SPON1: variants seen among roughly 807,000 people sequenced by gnomAD.
SPON1 encodes spondin 1, also known as spondin-1.
A neutral mutation model predicts 111.7 loss-of-function variants in SPON1; 52 were observed. The observed-to-expected ratio is 0.47, with a 90% CI of 0.37 to 0.59. The LOEUF (loss-of-function observed/expected upper bound fraction) is 0.59. SPON1 is among the 20% of genes least tolerant of loss of function. The probability of loss-of-function intolerance (pLI) is 0.00; values close to 1 mark genes in which losing one functional copy is unlikely to be tolerated. For missense variants in SPON1, 957 were observed against 1,068.5 expected (o/e 0.90, Z 1.46); for synonymous variants, 410 against 395.8 (o/e 1.04, Z -0.43).
intron 2 of SPON1, among the ~76,000 whole-genome samples, chr11:14,008,089 T>C: frequency 6.6e-6 from 1 of 152,224 alleles, no homozygotes; most frequent in East Asian, 1.9e-4. Flanking sequence ...CTGCAGGTTC[T>C]GCATCCACTG....
chr11:14,054,626 AC>A (rs1366598384), intron 3 of SPON1, among the ~76,000 whole-genome samples: 1 of 152,104 alleles, frequency 6.6e-6, no homozygotes, highest in Non-Finnish European at 1.5e-5. Context: ...CAGACTCTGA[AC>A]AACAGTCCCA....
Position 14,195,822 on chromosome 11 carries a change from G to A in SPON1, c.826-47510G>A, listed in dbSNP as rs116105291. ...CAGACATTTATTTCACAGTTTCATA[G>A]CAACATTGTCATGATTAGCTATGTA... On this transcript the variant is annotated intron_variant, in intron 6 of 15. Transcript: ENST00000576479. 1.6e-3 allele frequency among the ~76,000 whole-genome samples: 243 copies of A among 152,230 alleles called. 1 individual carries two copies. The highest frequency in any genetic ancestry group is 5.7e-3 in the African/African-American group (235 of 41,524).
At chr11:14,080,621 C>T (rs1383927756) in intron 5 of SPON1, among the ~76,000 whole-genome samples, 2 of 152,174 alleles carry the variant, frequency 1.3e-5, no homozygotes, top group Non-Finnish European at 2.9e-5. Flanking sequence ...CCTCAATCCC[C>T]CTGCAATGAC....
intron 2 of SPON1, among the ~76,000 whole-genome samples, chr11:13,999,564 C>T (rs1310544559): frequency 1.3e-5 from 2 of 152,138 alleles, no homozygotes; most frequent in Admixed American, 1.3e-4. Flanking sequence ...CGCCATCACA[C>T]CTGGCTAACT....
At chr11:14,060,945 G>C (rs1307948132) in intron 3 of SPON1, among the ~76,000 whole-genome samples, 1 of 93,156 alleles carries the variant, frequency 1.1e-5, no homozygotes, top group Non-Finnish European at 2.7e-5. Context: ...CTCTAGTTTG[G>C]TAAAAAAAAA....
intron 2 of SPON1, among the ~76,000 whole-genome samples, chr11:13,988,976 C>T (rs1214237783): frequency 2.0e-5 from 3 of 151,978 alleles, no homozygotes; most frequent in African/African-American, 7.2e-5. Flanking sequence ...ATTTTCATAT[C>T]GATGTTCATC....
intron 6 of SPON1, among the ~76,000 whole-genome samples, chr11:14,223,175 C>T (rs1293385270): frequency 6.6e-6 from 1 of 152,010 alleles, no homozygotes; most frequent in African/African-American, 2.4e-5. Context: ...GACCAGCCTG[C>T]CCAACATGGT....
Position 14,113,568 on chromosome 11 carries a change from A to AT in SPON1, c.677-21800dup, listed in dbSNP as rs782780924. Among the ~76,000 whole-genome samples the AT allele has an allele frequency of 1.2e-3, 92 of 74,724 alleles. 4 individuals are homozygous for AT. Among genetic ancestry groups the AT allele is most frequent in the Non-Finnish European group, 1.7e-3 (66 of 37,746 alleles). The allele number at this position is 74,724 out of a possible 152,430, so 49.0% of individuals were successfully genotyped here. Reference sequence around the variant, plus strand: ...AAGTCACCTCCTATGTACTTTTTAAATTTTTTTTTTTTTTTTTTTTTTTTT... The same window carrying AT: ...AAGTCACCTCCTATGTACTTTTTAAATTTTTTTTTTTTTTTTTTTTTTTTTT... On this transcript the variant is annotated intron_variant, in intron 5 of 15. Coordinates refer to ENST00000576479, the MANE Select transcript of SPON1 (RefSeq NM_006108.4).
chr11:14,178,371 G>A (rs909643274), intron 6 of SPON1, among the ~76,000 whole-genome samples: 13 of 150,206 alleles, frequency 8.7e-5, no homozygotes, highest in Non-Finnish European at 1.5e-4. Flanking sequence ...GCAGTGAGCC[G>A]AGATTGCACC....
chr11:14,035,396 G>A (rs554311678), intron 2 of SPON1, among the ~76,000 whole-genome samples: 1 of 152,216 alleles, frequency 6.6e-6, no homozygotes, highest in East Asian at 1.9e-4. Context: ...GTGTTTGAGG[G>A]AATGGAAATA....
intron 3 of SPON1, among the ~76,000 whole-genome samples, chr11:14,056,375 C>T (rs1419249858): frequency 6.6e-6 from 1 of 152,134 alleles, no homozygotes; most frequent in Non-Finnish European, 1.5e-5. Flanking sequence ...AAGTGGTCTA[C>T]CCAAGAAGTG....
At chr11:14,030,925 A>G (rs1347605454) in intron 2 of SPON1, among the ~76,000 whole-genome samples, 1 of 152,262 alleles carries the variant, frequency 6.6e-6, no homozygotes, top group African/African-American at 2.4e-5. Context: ...TTACAGTACT[A>G]TTCACAATAG....
chr11:14,140,498 G>T (rs543205125), intron 6 of SPON1, among the ~76,000 whole-genome samples: 14 of 152,106 alleles, frequency 9.2e-5, no homozygotes, highest in African/African-American at 3.4e-4. Flanking sequence ...GGGTTCAAGC[G>T]ATTCTCCTGC....
At position 14,017,649 on chromosome 11, in the gene SPON1, T is replaced by A. The variant is rs1848452851; in HGVS notation, c.346-23872T>A. Among the ~76,000 whole-genome samples, 5 of 152,216 alleles carry A rather than the reference T, an allele frequency of 3.3e-5. No homozygotes were observed. The South Asian group carries it at 1.0e-3, about 32-fold the overall frequency. On this transcript the variant is annotated intron_variant, in intron 2 of 15. Transcript: ENST00000576479. ...ACAACTTGCCTAAGGCCACCTTGCC[T>A]AAAGTAGCAGGGCCATTTGAGCCCT...
At chr11:14,200,242 A>C in intron 6 of SPON1, among the ~76,000 whole-genome samples, 1 of 152,212 alleles carries the variant, frequency 6.6e-6, no homozygotes, top group East Asian at 1.9e-4. Context: ...CTAGGGAATA[A>C]GCTCCTTGAG....
chr11:13,977,897 A>T (rs1455476449), intron 1 of SPON1, among the ~76,000 whole-genome samples: 1 of 152,282 alleles, frequency 6.6e-6, no homozygotes, highest in African/African-American at 2.4e-5. Context: ...ATGGTCATTC[A>T]GTTGTCCTAG....
intron 2 of SPON1, among the ~76,000 whole-genome samples, chr11:14,021,872 C>G (rs1848483555): frequency 6.6e-6 from 1 of 152,218 alleles, no homozygotes; most frequent in Non-Finnish European, 1.5e-5. Context: ...CTAAAGTTCA[C>G]TGATCACCCA....
chr11:14,132,282 A>G (rs1847537663), intron 5 of SPON1, among the ~76,000 whole-genome samples: 1 of 152,198 alleles, frequency 6.6e-6, no homozygotes, highest in Admixed American at 6.5e-5. Context: ...CGTCTCAAAA[A>G]AAAAAAAATT....
intron 6 of SPON1, among the ~76,000 whole-genome samples, chr11:14,212,132 G>A (rs1179923616): frequency 7.7e-6 from 1 of 129,274 alleles, no homozygotes; most frequent in Non-Finnish European, 1.7e-5. Flanking sequence ...TTTTTTTTTT[G>A]CATTTCTTTA....
Sources: allele counts gnomAD v4.1 joint callset (sites outside exome capture counted in the v4.1 genomes callset), GRCh38; gene constraint gnomAD v4.1.1; transcripts MANE v1.5; gene names NCBI Gene and HGNC (gene_info 2026-07-23, HGNC 2026-07-21).